The following NAP1L4 variants were observed in gnomAD, a reference collection of about 807,000 sequenced individuals.
NAP1L4 encodes the protein nucleosome assembly protein 1-like 4.
A neutral mutation model predicts 58.2 loss-of-function variants in NAP1L4; 15 were observed. The ratio of observed to expected loss-of-function variants is 0.26; its 90% confidence interval spans 0.17 to 0.40. The LOEUF is 0.40. Among genes scored for constraint, NAP1L4 ranks in the 10% least tolerant of loss-of-function variants. The pLI is 1.00. For missense variants in NAP1L4, 384 were observed against 451.1 expected, an observed-to-expected ratio of 0.85 and a Z score of 1.35; for synonymous variants, 171 against 155.6, an observed-to-expected ratio of 1.10 and a Z score of -0.74.
Position 2,951,826 on chromosome 11 carries a change from A to T in NAP1L4, c.1036-17T>A. 6.2e-7 allele frequency: 1 copy of T among 1,613,866 alleles called. No individual in the cohort carries two copies. The highest frequency in any genetic ancestry group is 8.5e-7 in the Non-Finnish European group (1 of 1,179,760). On this transcript the variant is annotated splice_polypyrimidine_tract_variant and intron_variant, in intron 12 of 15. Transcript: ENST00000380542. The surrounding 1 kb of genome is among the most constrained non-coding windows in gnomAD (Gnocchi z 4.0). ...TTCTTCAAACTGGAGAAACACAGAAAAACATTTTTAGGTTTACAAAACATG... is the reference window on the plus strand; with the variant it reads ...TTCTTCAAACTGGAGAAACACAGAATAACATTTTTAGGTTTACAAAACATG...
rs61871233 is a variant in NAP1L4 at position 2,949,664 on chromosome 11, G to A, written c.1123-400C>T. Among the ~76,000 whole-genome samples the A allele has an allele frequency of 2.6e-4, 40 of 152,190 alleles. No homozygotes were observed. Among genetic ancestry groups the A allele is most frequent in the Middle Eastern group, 3.4e-3 (1 of 294 alleles). ...CCCTTCTCCCCCAACCAACATAACCGTTTATCAAAGGTTTCATGGGGTGTT... is the reference window on the plus strand; with the variant it reads ...CCCTTCTCCCCCAACCAACATAACCATTTATCAAAGGTTTCATGGGGTGTT... On this transcript the variant is annotated intron_variant, in intron 14 of 15. Coordinates refer to ENST00000380542, the MANE Select transcript of NAP1L4 (RefSeq NM_005969.4). The surrounding 1 kb of genome is among the most constrained non-coding windows in gnomAD (Gnocchi z 4.0).
rs1419682151 is a variant in NAP1L4 at position 2,959,929 on chromosome 11, G to GT, written c.607-21dup. The GT allele has an allele frequency of 6.2e-7, 1 of 1,610,770 alleles. No homozygotes were observed. The highest frequency in any genetic ancestry group is 1.1e-5 in the South Asian group (1 of 90,874). ...AAAAGACTAAAAGTAGAAATTCAGA[G>GT]TAAGCACCAGTTAAAATAGAAAAAT... On this transcript the variant is annotated intron_variant, in intron 8 of 15. Coordinates refer to ENST00000380542, the MANE Select transcript of NAP1L4 (RefSeq NM_005969.4). This position sits in a 1 kb window ranked among gnomAD's most constrained non-coding sequence, Gnocchi z 4.9.
intron 10 of NAP1L4, among the ~76,000 whole-genome samples, chr11:2,957,042 T>A (rs1318756324): frequency 6.6e-6 from 1 of 152,124 alleles, no homozygotes; most frequent in Non-Finnish European, 1.5e-5. Flanking sequence ...ATTTTAGAGT[T>A]GTGCAACCAT....
In NAP1L4 at chr11:2,985,205, GGATTTTT is replaced by G. The variant is rs549270931; in HGVS notation, c.-17-5975_-17-5969del. ...CGGAGTTTCAGAATTTGGAGCATTT[GGATTTTT>G]GATTTTGGGATCAGGAGTGCTCAAC... is the stretch of plus-strand genomic sequence containing the variant. On this transcript the variant is annotated intron_variant, in intron 1 of 15. Coordinates refer to ENST00000380542, the MANE Select transcript of NAP1L4 (RefSeq NM_005969.4). 1.4e-4 allele frequency among the ~76,000 whole-genome samples: 21 copies of G among 152,278 alleles called. No homozygotes were observed. In the East Asian group the frequency reaches 3.7e-3, roughly 27 times the overall value.
At chr11:2,947,212 T>G (rs988709516) in intron 15 of NAP1L4, among the ~76,000 whole-genome samples, 1 of 152,238 alleles carries the variant, frequency 6.6e-6, no homozygotes, top group Admixed American at 6.5e-5. Flanking sequence ...AGATTTGGAA[T>G]GCTCAACCAG....
intron 4 of NAP1L4, 127 bp downstream of exon 4, chr11:2,975,897 T>A: frequency 1.2e-6 from 1 of 803,154 alleles, no homozygotes; most frequent in South Asian, 1.9e-5. Context: ...AGTGCCTGTC[T>A]CTCATAGACA....
In NAP1L4 at chr11:2,971,104, C is replaced by T. The variant is rs949906885; in HGVS notation, c.402+344G>A. On this transcript the variant is annotated intron_variant, in intron 6 of 15. Coordinates refer to ENST00000380542, the MANE Select transcript of NAP1L4 (RefSeq NM_005969.4). This position sits in a 1 kb window ranked among gnomAD's most constrained non-coding sequence, Gnocchi z 4.2. ...GTCCATGCCACTGAGCAGGAAGGCA[C>T]TCCCCTCACAACTCCCCCAATCTTC... 5.3e-5 allele frequency among the ~76,000 whole-genome samples: 8 copies of T among 152,350 alleles called. No homozygotes were observed. Among genetic ancestry groups the T allele is most frequent in the Non-Finnish European group, 1.0e-4 (7 of 68,028 alleles).
At chr11:2,947,352 G>A (rs988608320) in intron 15 of NAP1L4, among the ~76,000 whole-genome samples, 2 of 152,198 alleles carry the variant, frequency 1.3e-5, no homozygotes, top group Admixed American at 6.5e-5. Flanking sequence ...AATAGAGTCC[G>A]CATAGAACAC....
At chr11:2,945,695 C>G in intron 15 of NAP1L4, 49 bp from the exon 16 acceptor site, 1 of 1,447,564 alleles carries the variant, frequency 6.9e-7, no homozygotes, top group South Asian at 1.2e-5. Context: ...CAGCTCCATT[C>G]ACCAATTAGC....
intron 8 of NAP1L4, chr11:2,963,759 C>A: frequency 1.9e-6 from 1 of 519,284 alleles, no homozygotes; most frequent in Non-Finnish European, 3.8e-6. Flanking sequence ...AACCCACAGC[C>A]CGTCATGCAG....
chr11:2,978,824 C>A (rs907832623), intron 2 of NAP1L4, among the ~76,000 whole-genome samples: 1 of 152,152 alleles, frequency 6.6e-6, no homozygotes, highest in Non-Finnish European at 1.5e-5. Context: ...CCTGGACACA[C>A]CTCCCTCACA....
intron 4 of NAP1L4, among the ~76,000 whole-genome samples, 163 bp downstream of exon 4, chr11:2,975,861 G>C (rs774278112): frequency 2.0e-5 from 3 of 152,138 alleles, no homozygotes; most frequent in African/African-American, 7.2e-5. Context: ...CCTAGGCACC[G>C]GGTAGGGTCA....
chr11:2,985,180 C>T (rs1277527039), intron 1 of NAP1L4, among the ~76,000 whole-genome samples: 1 of 152,158 alleles, frequency 6.6e-6, no homozygotes, highest in Non-Finnish European at 1.5e-5. Flanking sequence ...TCAACACTAA[C>T]GGAGTTTCAG....
At chr11:2,990,100 G>C (rs1001335153) in intron 1 of NAP1L4, 4 of 151,338 alleles carry the variant, frequency 2.6e-5, no homozygotes, top group African/African-American at 9.8e-5. Context: ...CGGATTTAAA[G>C]CTTACACAAC....
chr11:2,986,895 CTGGGATTACAGGTA>C (rs995235768), intron 1 of NAP1L4, among the ~76,000 whole-genome samples: 11 of 134,394 alleles, frequency 8.2e-5, no homozygotes, highest in Admixed American at 7.1e-4. Flanking sequence ...TCCCAAAGTG[CTGGGATTACAGGTA>C]TGAGCCACCG....
intron 3 of NAP1L4, among the ~76,000 whole-genome samples, chr11:2,977,166 T>C (rs1848013932): frequency 1.3e-5 from 2 of 152,230 alleles, no homozygotes; most frequent in South Asian, 4.1e-4. Flanking sequence ...TACATGCATA[T>C]ACAAACACAT....
In NAP1L4 at chr11:2,969,836, G is replaced by C; in HGVS notation, c.501C>G (p.Phe167Leu). The C allele has an allele frequency of 6.2e-7, 1 of 1,613,710 alleles. No homozygotes were observed. The highest frequency in any genetic ancestry group is 8.5e-7 in the Non-Finnish European group (1 of 1,179,804). ...KGIPEFWFTI[F>L]RNVDMLSELV... ...ATTCACTCAGCATGTCCACATTTCTGAAGATGGTAAACCAGAACTCTGGAA... is the reference window on the plus strand; with the variant it reads ...ATTCACTCAGCATGTCCACATTTCTCAAGATGGTAAACCAGAACTCTGGAA... The change falls in exon 7 of 16, where the codon TTC becomes TTG. Residue 167 changes from phenylalanine (F) to leucine (L), a missense_variant. Coordinates refer to ENST00000380542, the MANE Select transcript of NAP1L4 (RefSeq NM_005969.4).
intron 15 of NAP1L4, among the ~76,000 whole-genome samples, chr11:2,947,341 G>C (rs1845988400): frequency 6.6e-6 from 1 of 152,246 alleles, no homozygotes; most frequent in Non-Finnish European, 1.5e-5. Flanking sequence ...CTGCTAGAGG[G>C]AATAGAGTCC....
rs1427392922 is a variant in NAP1L4, at chr11:2,963,247, C to T, written c.606+1433G>A. 2.6e-5 allele frequency among the ~76,000 whole-genome samples: 4 copies of T among 151,700 alleles called. No homozygotes were observed. The East Asian group carries it at 5.9e-4, about 22-fold the overall frequency. ...GTAAGAAAGAAGTACAAAGAAAAAA[C>T]GCACAGAAACTTAAAGCACCGCACG... On this transcript the variant is annotated intron_variant, in intron 8 of 15. Coordinates refer to ENST00000380542, the MANE Select transcript of NAP1L4 (RefSeq NM_005969.4).
Sources: gnomAD v4.1 joint callset for allele counts (sites outside exome capture counted in the v4.1 genomes callset) on GRCh38, gnomAD v4.1.1 for gene constraint, Gnocchi (gnomAD v3.1) non-coding constraint, MANE v1.5 for transcripts, NCBI Gene and HGNC (gene_info 2026-07-23, HGNC 2026-07-21) for gene names.